MYOF: variants seen among roughly 807,000 people sequenced by gnomAD.
The protein encoded by MYOF is myoferlin, also known as fer-1-like 3, myoferlin.
MYOF carries 244 observed loss-of-function variants against 284.2 expected under a neutral mutation model. That is an observed-to-expected ratio of 0.86 (90% confidence interval 0.77 to 0.95). MYOF has a LOEUF of 0.95. MYOF is among the 40% of genes least tolerant of loss of function. The probability of loss-of-function intolerance (pLI) is 0.00; values close to 1 mark genes in which losing one functional copy is unlikely to be tolerated. For synonymous variants in MYOF, 904 were observed against 919.7 expected (o/e 0.98, Z 0.31); for missense variants, 2,496 against 2,560.6 (o/e 0.97, Z 0.54).
At chr10:93,323,530 G>T in intron 46 of MYOF, 172 bp from the exon 47 acceptor site, 1 of 636,064 alleles carries the variant, frequency 1.6e-6, no homozygotes, top group Non-Finnish European at 2.6e-6. Context: ...AATCTTTTAT[G>T]TACAATGTCA....
At chr10:93,327,860 C>G (rs187693034) in intron 45 of MYOF, among the ~76,000 whole-genome samples, 1 of 152,104 alleles carries the variant, frequency 6.6e-6, no homozygotes, top group Non-Finnish European at 1.5e-5. Context: ...TGGGTTCAAG[C>G]GATTCTCATG....
At chr10:93,406,182 C>T (rs1847561436) in intron 7 of MYOF, among the ~76,000 whole-genome samples, 1 of 149,422 alleles carries the variant, frequency 6.7e-6, no homozygotes, top group Non-Finnish European at 1.5e-5. Context: ...TGGTCTTGAA[C>T]TCCTGATCTC....
intron 18 of MYOF, 85 bp downstream of exon 18, chr10:93,388,945 C>G: frequency 6.7e-7 from 1 of 1,502,564 alleles, no homozygotes; most frequent in South Asian, 1.3e-5. Flanking sequence ...AAACTTCTAT[C>G]CTGCAATACT....
chr10:93,427,616 A>T (rs1308522500), intron 4 of MYOF, among the ~76,000 whole-genome samples: 1 of 152,024 alleles, frequency 6.6e-6, no homozygotes, highest in Non-Finnish European at 1.5e-5. Flanking sequence ...AGGAGAATTG[A>T]ATCTGGCTAA....
Position 93,333,940 on chromosome 10 carries a change from C to CA in MYOF, c.4564-28dup, listed in dbSNP as rs141227088. On this transcript the variant is annotated intron_variant, in intron 41 of 53. Transcript: ENST00000359263. ...TAAAAGAGAGAGACAGAAGGACTCA[C>CA]AGGGCCCTGGGTGGCCCAGGTAGAG... is the stretch of plus-strand genomic sequence containing the variant. 4.1e-3 allele frequency: 6,607 copies of CA among 1,608,474 alleles called. 21 individuals carry two copies. Among genetic ancestry groups the CA allele is most frequent in the Non-Finnish European group, 4.5e-3 (5,333 of 1,177,294 alleles).
chr10:93,425,401 G>T (rs1394598494), intron 5 of MYOF, among the ~76,000 whole-genome samples: 1 of 152,108 alleles, frequency 6.6e-6, no homozygotes, highest in Non-Finnish European at 1.5e-5. Context: ...CTGAGAGGGG[G>T]TCCGACTCAG....
chr10:93,381,980 T>A (rs59808725), intron 19 of MYOF, among the ~76,000 whole-genome samples: 73,032 of 151,752 alleles, frequency 0.48, 19,000 homozygotes, highest in East Asian at 0.86. Context: ...GAGGTTGCAG[T>A]GAGCCGATAT....
chr10:93,405,195 T>C (rs973917283), intron 7 of MYOF, among the ~76,000 whole-genome samples: 2 of 152,214 alleles, frequency 1.3e-5, no homozygotes, highest in African/African-American at 4.8e-5. Context: ...TACATTTACA[T>C]GCATCTCCTA....
chr10:93,432,365 C>T (rs1323387069), intron 3 of MYOF, among the ~76,000 whole-genome samples: 5 of 151,434 alleles, frequency 3.3e-5, no homozygotes, highest in Non-Finnish European at 5.9e-5. Context: ...CCAGGCTGGG[C>T]GACAGAGTGA....
At chr10:93,338,908 C>G (rs571209635) in intron 39 of MYOF, among the ~76,000 whole-genome samples, 3 of 150,652 alleles carry the variant, frequency 2.0e-5, no homozygotes, top group Non-Finnish European at 4.4e-5. Context: ...TTTAACCTAC[C>G]TTGGAAATAA....
chr10:93,319,925 C>A lies in MYOF; in HGVS notation c.5545G>T (p.Val1849Phe), dbSNP rs764201264. ...GCTGGAAGGTAGTCAAACGGGAAAA[C>A]AAATCGCCAGTTAAAATTCCCTTCA... ...DGEGNFNWRF[V>F]FPFDYLPAEQ... The change falls in exon 49 of 54, where the codon GTT becomes TTT. Residue 1849 changes from valine to phenylalanine, a missense_variant. By Grantham distance (50) the Val-to-Phe change is conservative. Coordinates refer to ENST00000359263, the MANE Select transcript of MYOF (RefSeq NM_013451.4). 6.2e-7 allele frequency: 1 copy of A among 1,614,170 alleles called. No homozygotes were observed. Among genetic ancestry groups the A allele is most frequent in the Non-Finnish European group, 8.5e-7 (1 of 1,180,024 alleles).
At chr10:93,337,662 C>T (rs904039902) in intron 40 of MYOF, 153 bp downstream of exon 40, 1 of 609,146 alleles carries the variant, frequency 1.6e-6, no homozygotes, top group African/African-American at 1.9e-5. Flanking sequence ...AGCCGAAACT[C>T]ATGCAAGAGG....
At chr10:93,395,808 T>C (rs1482857417) in intron 16 of MYOF, among the ~76,000 whole-genome samples, 14 of 151,702 alleles carry the variant, frequency 9.2e-5, no homozygotes, top group Non-Finnish European at 2.1e-4. Flanking sequence ...GCTCTCTGTA[T>C]TGACACAAAA....
At chr10:93,451,485 C>T (rs555580214) in intron 3 of MYOF, among the ~76,000 whole-genome samples, 1 of 152,166 alleles carries the variant, frequency 6.6e-6, no homozygotes, top group South Asian at 2.1e-4. Context: ...TGGGAAGTCT[C>T]CCAATTTTAC....
intron 19 of MYOF, among the ~76,000 whole-genome samples, chr10:93,387,534 G>A (rs890398120): frequency 6.6e-6 from 1 of 152,216 alleles, no homozygotes; most frequent in Non-Finnish European, 1.5e-5. Context: ...CCAGCAAGAA[G>A]TGGCTGTTAT....
At chr10:93,435,136 C>T (rs1849061662) in intron 3 of MYOF, among the ~76,000 whole-genome samples, 1 of 152,200 alleles carries the variant, frequency 6.6e-6, no homozygotes, top group Non-Finnish European at 1.5e-5. Context: ...TTTCATAATT[C>T]ATAGCCTAAC....
chr10:93,370,182 G>A (rs1276282282), intron 24 of MYOF, among the ~76,000 whole-genome samples: 1 of 152,002 alleles, frequency 6.6e-6, no homozygotes, highest in Non-Finnish European at 1.5e-5. Flanking sequence ...AACAGTAAAA[G>A]TAATAGTAAT....
intron 6 of MYOF, 138 bp from the exon 7 acceptor site, chr10:93,409,053 C>T (rs1847771723): frequency 1.5e-6 from 2 of 1,337,106 alleles, no homozygotes; most frequent in Non-Finnish European, 2.0e-6. Flanking sequence ...ATACCAGGTG[C>T]TACCAATTGG....
chr10:93,349,551 T>C (rs567157802), intron 36 of MYOF, among the ~76,000 whole-genome samples: 3 of 152,348 alleles, frequency 2.0e-5, no homozygotes, highest in African/African-American at 7.2e-5. Flanking sequence ...GCTGAATAGA[T>C]GGAAAGTTTA....
Sources: allele counts gnomAD v4.1 joint callset (sites outside exome capture counted in the v4.1 genomes callset), GRCh38; gene constraint gnomAD v4.1.1; transcripts MANE v1.5; gene names NCBI Gene and HGNC (gene_info 2026-07-23, HGNC 2026-07-21).